Variants in PDC observed in about 807,000 individuals in gnomAD.
PDC encodes the protein 33 kDa phototransducing protein.
PDC carries 19 observed loss-of-function variants against 22.2 expected under a neutral mutation model. The observed-to-expected ratio is 0.86, with a 90% confidence interval of 0.60 to 1.26. The LOEUF is 1.26. PDC is among the 50% of genes most tolerant of loss of function. PDC has a pLI of 0.00. For synonymous variants in PDC, 97 were observed against 96.2 expected (o/e 1.01, Z -0.05); for missense variants, 274 against 286.8 (o/e 0.96, Z 0.32).
At chr1:186,453,405 A>G (rs1662392537) in intron 1 of PDC, among the ~76,000 whole-genome samples, 1 of 152,212 alleles carries the variant, frequency 6.6e-6, no homozygotes, top group Non-Finnish European at 1.5e-5. Flanking sequence ...ATCATTGGTC[A>G]CATGACAATT....
chr1:186,447,581 AACTG>A (rs1156712975), intron 2 of PDC, among the ~76,000 whole-genome samples: 5 of 152,202 alleles, frequency 3.3e-5, no homozygotes, highest in Non-Finnish European at 7.3e-5. Context: ...AGGAATATTA[AACTG>A]ACTATCCTTC....
intron 1 of PDC, among the ~76,000 whole-genome samples, chr1:186,451,954 T>C (rs1044112405): frequency 6.6e-6 from 1 of 152,220 alleles, no homozygotes; most frequent in Non-Finnish European, 1.5e-5. Context: ...TCCATCCTTA[T>C]CTAATGCCTC....
In PDC at chr1:186,444,279, A is replaced by G. The variant is rs552194612; in HGVS notation, c.441T>C (p.Gly147=). The G allele has an allele frequency of 6.2e-7, 1 of 1,613,886 alleles. No homozygotes were observed. The highest frequency in any genetic ancestry group is 1.7e-5 in the Admixed American group (1 of 60,020). The stretch of plus-strand genomic sequence containing the variant: ...TTAAACTACTGTTTAGAGCATCACA[A>G]CCCTTAATACCATCTTCATAAATGT... ...VVHIYEDGIK[G]CDALNSSLTC... Residue 147 remains glycine (G), a synonymous_variant, in exon 4 of 4, where the codon GGT becomes GGC. Coordinates refer to ENST00000391997, the MANE Select transcript of PDC (RefSeq NM_002597.5).
chr1:186,448,896 T>C (rs1393549216), intron 2 of PDC, among the ~76,000 whole-genome samples: 1 of 152,106 alleles, frequency 6.6e-6, no homozygotes, highest in African/African-American at 2.4e-5. Context: ...CAAACATAAT[T>C]TAACAGATTA....
intron 2 of PDC, among the ~76,000 whole-genome samples, chr1:186,449,014 G>GA (rs768285989): frequency 6.6e-6 from 1 of 151,874 alleles, no homozygotes; most frequent in Middle Eastern, 3.4e-3. Flanking sequence ...TTTATTAGAT[G>GA]AAAAAAATGA....
chr1:186,454,070 A>C (rs1209674588), intron 1 of PDC, among the ~76,000 whole-genome samples: 2 of 152,092 alleles, frequency 1.3e-5, no homozygotes, highest in African/African-American at 2.4e-5. Context: ...ATTCCTTGAG[A>C]CAGTACTTAT....
At chr1:186,453,621 T>C (rs1167744497) in intron 1 of PDC, among the ~76,000 whole-genome samples, 1 of 152,222 alleles carries the variant, frequency 6.6e-6, no homozygotes, top group Non-Finnish European at 1.5e-5. Flanking sequence ...CATTTATTTT[T>C]ACATGTTTTG....
chr1:186,455,993 AAATATAT>A (rs1662459598), intron 1 of PDC, among the ~76,000 whole-genome samples: 1 of 89,776 alleles, frequency 1.1e-5, no homozygotes, highest in Non-Finnish European at 2.1e-5. Context: ...AAAAAAAAAA[AAATATAT>A]ATATATATAT....
At chr1:186,449,376 T>C (rs545283554) in intron 2 of PDC, 23 bp downstream of exon 2, 78 of 1,514,516 alleles carry the variant, frequency 5.2e-5, no homozygotes, top group Non-Finnish European at 6.6e-5. Context: ...TTAATAATTA[T>C]TTTTTCTTCT....
At chr1:186,449,584 C>A in intron 1 of PDC, 101 bp from the exon 2 acceptor site, 1 of 526,432 alleles carries the variant, frequency 1.9e-6, no homozygotes, top group East Asian at 2.9e-5. Flanking sequence ...TTATAGTCTC[C>A]TGCTGCCAGA....
intron 1 of PDC, among the ~76,000 whole-genome samples, chr1:186,457,303 T>TG (rs1286381670): frequency 6.6e-6 from 1 of 152,202 alleles, no homozygotes; most frequent in Non-Finnish European, 1.5e-5. Flanking sequence ...TCAGATAGGT[T>TG]TGACAACACC....
At chr1:186,455,994 A>AAAAATATATATATAT (rs1553242743) in intron 1 of PDC, among the ~76,000 whole-genome samples, 1 of 77,102 alleles carries the variant, frequency 1.3e-5, no homozygotes, top group African/African-American at 6.9e-5. Flanking sequence ...AAAAAAAAAA[A>AAAAATATATATATAT]ATATATATAT....
intron 2 of PDC, among the ~76,000 whole-genome samples, chr1:186,447,138 A>C (rs1662249609): frequency 6.7e-6 from 1 of 148,990 alleles, no homozygotes; most frequent in South Asian, 2.1e-4. Flanking sequence ...ACATAGAAAG[A>C]ATAGGATTGG....
intron 2 of PDC, chr1:186,448,626 A>G (rs1174603639): frequency 2.4e-6 from 2 of 838,788 alleles, no homozygotes; most frequent in Non-Finnish European, 2.9e-6. Flanking sequence ...GAATTTACCA[A>G]CCTTTTCTTC....
chr1:186,444,182 G>T lies in PDC; in HGVS notation c.538C>A (p.Arg180Ser). The change falls in exon 4 of 4, where the codon CGC becomes AGC. Residue 180 changes from arginine (R) to serine (S), a missense_variant. Arg to Ser is a moderately radical substitution (Grantham distance 110, BLOSUM62 -1). Transcript: ENST00000391997. ...IKASNTGAGD[R>S]FSLDVLPTLL... is the part of the protein sequence containing the mutation. ...GTAGGAAGTACATCTAAGGAAAAGC[G>T]GTCCCCAGCACCTGTATTCGAAGCT... is the stretch of plus-strand genomic sequence containing the variant. The T allele has an allele frequency of 6.2e-7, 1 of 1,613,370 alleles. No individual in the cohort carries two copies. The highest frequency in any genetic ancestry group is 1.7e-5 in the Admixed American group (1 of 59,992).
Position 186,449,500 on chromosome 1 carries a change from G to A in PDC, c.-24-17C>T. On this transcript the variant is annotated splice_polypyrimidine_tract_variant and intron_variant, in intron 1 of 3. Coordinates refer to ENST00000391997, the MANE Select transcript of PDC (RefSeq NM_002597.5). The stretch of plus-strand genomic sequence containing the variant: ...TGATATAATCTATAGGAGGAACAAA[G>A]AAATAATAATGACACAAGAATTCCA... The A allele has an allele frequency of 1.6e-6, 2 of 1,232,728 alleles. No individual in the cohort carries two copies. Among genetic ancestry groups the A allele is most frequent in the Non-Finnish European group, 1.2e-6 (1 of 841,524 alleles). 76.4% of individuals were successfully genotyped at this position (1,232,728 alleles called of 1,614,324 possible).
At chr1:186,444,609 T>C in intron 3 of PDC, 103 bp from the exon 4 acceptor site, 1 of 717,334 alleles carries the variant, frequency 1.4e-6, no homozygotes. Flanking sequence ...CTCTTTTTTT[T>C]CTGCCTGGAC....
intron 1 of PDC, among the ~76,000 whole-genome samples, chr1:186,458,223 A>ATT (rs1350791663): frequency 6.8e-5 from 5 of 73,964 alleles, no homozygotes; most frequent in African/African-American, 2.5e-4. Context: ...ACATACAGAT[A>ATT]TTCTTTTTTT....
intron 1 of PDC, among the ~76,000 whole-genome samples, chr1:186,454,454 C>T (rs2102136076): frequency 7.1e-6 from 1 of 141,198 alleles, no homozygotes; most frequent in Admixed American, 6.8e-5. Context: ...GGATTACAGT[C>T]GTGAGCCACC....
Sources: allele counts gnomAD v4.1 joint callset (sites outside exome capture counted in the v4.1 genomes callset), GRCh38; gene constraint gnomAD v4.1.1; transcripts MANE v1.5; gene names NCBI Gene and HGNC (gene_info 2026-07-23, HGNC 2026-07-21).